Variants in CNTLN observed in about 807,000 individuals in gnomAD.
CNTLN encodes centlein, centrosomal protein.
Under a neutral mutation model 180.0 loss-of-function variants are expected in CNTLN, and 212 were observed. The observed-to-expected ratio is 1.18, with a 90% CI of 1.05 to 1.32. The LOEUF (loss-of-function observed/expected upper bound fraction) is 1.32. CNTLN is among the 40% of genes most tolerant of loss of function. The probability of loss-of-function intolerance (pLI) is 0.00; values close to 1 mark genes in which losing one functional copy is unlikely to be tolerated. For missense variants in CNTLN, 2,095 were observed against 1,610.9 expected (o/e 1.30, Z -5.14); for synonymous variants, 722 against 563.1 (o/e 1.28, Z -3.99).
intron 18 of CNTLN, among the ~76,000 whole-genome samples, chr9:17,455,995 A>G (rs1455404928): frequency 6.6e-6 from 1 of 152,148 alleles, no homozygotes; most frequent in African/African-American, 2.4e-5. Context: ...GAAGTTGTAT[A>G]AAAGGTGGAA....
At chr9:17,216,243 G>C (rs558466644) in intron 2 of CNTLN, among the ~76,000 whole-genome samples, 23 of 152,202 alleles carry the variant, frequency 1.5e-4, no homozygotes, top group Non-Finnish European at 1.9e-4. Context: ...ACAAGCCGTT[G>C]AGTCAGGTAA....
intron 2 of CNTLN, among the ~76,000 whole-genome samples, chr9:17,189,642 C>T (rs1180337718): frequency 6.6e-6 from 1 of 151,586 alleles, no homozygotes; most frequent in African/African-American, 2.4e-5. Context: ...CACCATCACA[C>T]CTGACTAATT....
chr9:17,190,823 G>T (rs986542392), intron 2 of CNTLN, among the ~76,000 whole-genome samples: 1 of 152,112 alleles, frequency 6.6e-6, no homozygotes, highest in Admixed American at 6.5e-5. Context: ...TATAATTATA[G>T]CAATTAAGAA....
intron 6 of CNTLN, among the ~76,000 whole-genome samples, chr9:17,289,963 C>A (rs1046698191): frequency 1.3e-5 from 2 of 151,334 alleles, no homozygotes; most frequent in African/African-American, 4.9e-5. Flanking sequence ...AATGTCCTCC[C>A]GTAGCTCAGA....
At chr9:17,343,153 G>A (rs549650370) in intron 12 of CNTLN, among the ~76,000 whole-genome samples, 3 of 152,196 alleles carry the variant, frequency 2.0e-5, no homozygotes, top group African/African-American at 4.8e-5. Flanking sequence ...ACAGTTGGTC[G>A]CTTGATCTTA....
chr9:17,271,163 G>C (rs1372761205), intron 5 of CNTLN, among the ~76,000 whole-genome samples: 4 of 151,904 alleles, frequency 2.6e-5, no homozygotes, highest in Non-Finnish European at 2.9e-5. Flanking sequence ...TGTTAGCCTC[G>C]ATCTCCTGAC....
chr9:17,406,062 C>G (rs987859550), intron 15 of CNTLN, among the ~76,000 whole-genome samples: 1 of 151,778 alleles, frequency 6.6e-6, no homozygotes, highest in African/African-American at 2.4e-5. Context: ...AATACAAATT[C>G]CTGGGCTTTA....
intron 25 of CNTLN, among the ~76,000 whole-genome samples, chr9:17,495,867 A>G (rs1217554245): frequency 6.6e-6 from 1 of 152,148 alleles, no homozygotes; most frequent in Non-Finnish European, 1.5e-5. Context: ...ATGTTTAGGT[A>G]TACTAATACT....
At chr9:17,453,235 C>G (rs1051021143) in intron 18 of CNTLN, among the ~76,000 whole-genome samples, 41 of 151,952 alleles carry the variant, frequency 2.7e-4, no homozygotes, top group African/African-American at 9.9e-4. Context: ...ATCCCTTGAG[C>G]CCAGGAGTTT....
chr9:17,498,476 T>A (rs1833574389), intron 25 of CNTLN, among the ~76,000 whole-genome samples: 1 of 152,166 alleles, frequency 6.6e-6, no homozygotes, highest in Non-Finnish European at 1.5e-5. Flanking sequence ...GGGAGATCCC[T>A]CCAGTAATGG....
chr9:17,409,368 G>T lies in CNTLN; in HGVS notation c.2691G>T (p.Thr897=), dbSNP rs2780211. The T allele has an allele frequency of 1.2e-6, 2 of 1,613,328 alleles. No individual in the cohort carries two copies. Among genetic ancestry groups the T allele is most frequent in the Non-Finnish European group, 1.7e-6 (2 of 1,179,702 alleles). Residue 897 remains threonine (T), a synonymous_variant, in exon 16 of 26, where the codon ACG becomes ACT. Transcript: ENST00000380647. ...AAACATCCCAGAAAATAAGTCCTACGGAAGATGGAAAAGACCAGAAAGAAA... is the reference window on the plus strand; with the variant it reads ...AAACATCCCAGAAAATAAGTCCTACTGAAGATGGAAAAGACCAGAAAGAAA... ...IVETSQKISP[T]EDGKDQKESD... is the part of the protein sequence containing the mutation.
intron 5 of CNTLN, among the ~76,000 whole-genome samples, chr9:17,257,126 C>G (rs1587361826): frequency 1.3e-5 from 2 of 151,872 alleles, no homozygotes; most frequent in Admixed American, 6.6e-5. Flanking sequence ...TCCCTCCCCC[C>G]TCCTCCCACC....
chr9:17,360,163 A>G (rs572756515), intron 12 of CNTLN, among the ~76,000 whole-genome samples: 1 of 152,174 alleles, frequency 6.6e-6, no homozygotes, highest in East Asian at 1.9e-4. Flanking sequence ...AATAATTCCT[A>G]GTTCCTCTTG....
At chr9:17,188,274 T>C (rs1263083695) in intron 2 of CNTLN, among the ~76,000 whole-genome samples, 1 of 152,078 alleles carries the variant, frequency 6.6e-6, no homozygotes, top group Non-Finnish European at 1.5e-5. Context: ...TTTAGATTTG[T>C]TATTTGTATT....
intron 12 of CNTLN, among the ~76,000 whole-genome samples, chr9:17,356,277 T>A (rs1490113448): frequency 6.6e-6 from 1 of 152,166 alleles, no homozygotes; most frequent in South Asian, 2.1e-4. Flanking sequence ...TTATGATTGA[T>A]AATCAAGCAC....
chr9:17,268,414 TAC>T (rs1827665072), intron 5 of CNTLN, among the ~76,000 whole-genome samples: 1 of 152,064 alleles, frequency 6.6e-6, no homozygotes. Context: ...CTCAGAGGAG[TAC>T]CTGGCCATGT....
chr9:17,318,230 C>CGT (rs1462703474), intron 8 of CNTLN, among the ~76,000 whole-genome samples: 31 of 151,848 alleles, frequency 2.0e-4, no homozygotes, highest in African/African-American at 4.8e-4. Flanking sequence ...GGGGTTTCAC[C>CGT]GTGTTAGCCA....
intron 5 of CNTLN, among the ~76,000 whole-genome samples, chr9:17,243,719 A>G (rs553376485): frequency 3.5e-4 from 54 of 152,276 alleles, no homozygotes; most frequent in African/African-American, 1.3e-3. Context: ...CACTTGTTTT[A>G]TGGTGAACAT....
At chr9:17,446,151 T>A (rs1830402682) in intron 18 of CNTLN, among the ~76,000 whole-genome samples, 1 of 152,174 alleles carries the variant, frequency 6.6e-6, no homozygotes, top group Non-Finnish European at 1.5e-5. Flanking sequence ...CCACGAATGA[T>A]GAATAAATAC....
Sources: allele counts gnomAD v4.1 joint callset (sites outside exome capture counted in the v4.1 genomes callset), GRCh38; gene constraint gnomAD v4.1.1; transcripts MANE v1.5; gene names NCBI Gene and HGNC (gene_info 2026-07-23, HGNC 2026-07-21).